ENOX1: variants seen among roughly 807,000 people sequenced by gnomAD.
ENOX1 encodes ecto-NOX disulfide-thiol exchanger 1.
ENOX1 carries 42 observed loss-of-function variants against 82.5 expected under a neutral mutation model. That is an observed-to-expected ratio of 0.51 (90% confidence interval 0.40 to 0.66). ENOX1 has a LOEUF of 0.66. Ranked by LOEUF, ENOX1 falls within the 30% of genes least tolerant of loss-of-function variation. ENOX1 has a pLI of 0.00. For missense variants in ENOX1, 608 were observed against 811.6 expected, an observed-to-expected ratio of 0.75 and a Z score of 3.05; for synonymous variants, 271 against 282.2, an observed-to-expected ratio of 0.96 and a Z score of 0.40.
At chr13:43,679,279 T>C (rs1387055157) in intron 1 of ENOX1, among the ~76,000 whole-genome samples, 1 of 152,178 alleles carries the variant, frequency 6.6e-6, no homozygotes, top group Non-Finnish European at 1.5e-5. Flanking sequence ...ATTTCTTCCA[T>C]TTCTTCCTGT....
chr13:43,287,358 G>A (rs1439706513), intron 12 of ENOX1, among the ~76,000 whole-genome samples: 33 of 152,122 alleles, frequency 2.2e-4, no homozygotes, highest in Non-Finnish European at 1.0e-4. Context: ...ATTTTCACCT[G>A]GAATATGGCA....
At chr13:43,383,133 G>C (rs548277764) in intron 5 of ENOX1, among the ~76,000 whole-genome samples, 22 of 152,204 alleles carry the variant, frequency 1.4e-4, no homozygotes, top group Non-Finnish European at 3.2e-4. Flanking sequence ...GACCTCAAAG[G>C]GTTTTGAAGA....
intron 14 of ENOX1, among the ~76,000 whole-genome samples, chr13:43,239,979 G>A (rs2042736477): frequency 6.6e-6 from 1 of 152,076 alleles, no homozygotes; most frequent in Non-Finnish European, 1.5e-5. Flanking sequence ...CCAAGTATGG[G>A]GTAGTCTACA....
chr13:43,213,890 G>A lies in ENOX1; in HGVS notation c.*100C>T, dbSNP rs143967700. On this transcript the variant is annotated 3_prime_UTR_variant, in exon 17 of 17. Transcript: ENST00000690772. ...AGGCAGGCTTCGATGGCTCCACAAAGGTTGCGTGCTGGACCAACCCCACAC... is the reference window on the plus strand; with the variant it reads ...AGGCAGGCTTCGATGGCTCCACAAAAGTTGCGTGCTGGACCAACCCCACAC... The A allele has an allele frequency of 2.2e-6, 3 of 1,363,942 alleles. No individual in the cohort carries two copies. The highest frequency in any genetic ancestry group is 2.4e-5 in the East Asian group (1 of 40,822). 84.5% of individuals were successfully genotyped at this position (1,363,942 alleles called of 1,614,324 possible). A position where few individuals can be genotyped will look rare whatever the true frequency, so the allele number is the denominator to read the frequency against.
At chr13:43,593,480 AAAACAAAACAAAG>A (rs1248159221) in intron 2 of ENOX1, among the ~76,000 whole-genome samples, 1 of 7,846 alleles carries the variant, frequency 1.3e-4, no homozygotes, top group African/African-American at 1.4e-4. Flanking sequence ...AAAACAAAAC[AAAACAAAACAAAG>A]AAGCCCTTCG....
chr13:43,253,841 T>C (rs1045725957), intron 14 of ENOX1, among the ~76,000 whole-genome samples: 3 of 152,168 alleles, frequency 2.0e-5, no homozygotes, highest in African/African-American at 4.8e-5. Context: ...ACTCTTTCCA[T>C]AGATGCTACT....
At chr13:43,471,651 A>G (rs1385055803) in intron 3 of ENOX1, among the ~76,000 whole-genome samples, 1 of 152,032 alleles carries the variant, frequency 6.6e-6, no homozygotes, top group African/African-American at 2.4e-5. Flanking sequence ...TCTATTAAAA[A>G]TACAAAAAAT....
At chr13:43,498,563 A>G (rs2076871451) in intron 2 of ENOX1, among the ~76,000 whole-genome samples, 1 of 152,120 alleles carries the variant, frequency 6.6e-6, no homozygotes, top group African/African-American at 2.4e-5. Flanking sequence ...AATATTGTCA[A>G]TAGTCAACTG....
At chr13:43,338,680 T>A (rs1054395203) in intron 9 of ENOX1, among the ~76,000 whole-genome samples, 1 of 126,528 alleles carries the variant, frequency 7.9e-6, no homozygotes, top group African/African-American at 3.2e-5. Context: ...GGTTGGGTTT[T>A]TTTTTTTTTT....
At chr13:43,492,460 T>G (rs2076653020) in intron 2 of ENOX1, among the ~76,000 whole-genome samples, 1 of 152,176 alleles carries the variant, frequency 6.6e-6, no homozygotes, top group South Asian at 2.1e-4. Context: ...AAAATAGCCT[T>G]AATCTTGCTT....
intron 2 of ENOX1, among the ~76,000 whole-genome samples, chr13:43,539,911 T>C (rs543401731): frequency 1.6e-4 from 25 of 152,298 alleles, no homozygotes; most frequent in African/African-American, 5.8e-4. Flanking sequence ...ATCCTCTTTG[T>C]ATCTAGTAAT....
intron 3 of ENOX1, among the ~76,000 whole-genome samples, chr13:43,479,694 T>C (rs983009838): frequency 6.6e-6 from 1 of 152,154 alleles, no homozygotes; most frequent in African/African-American, 2.4e-5. Context: ...TGCAATAGAA[T>C]GGAAAGAGAA....
intron 1 of ENOX1, among the ~76,000 whole-genome samples, chr13:43,714,983 T>A (rs2088010447): frequency 6.6e-6 from 1 of 152,236 alleles, no homozygotes; most frequent in Admixed American, 6.5e-5. Context: ...TGCTCGTTAG[T>A]TGATGCAGTT....
chr13:43,286,095 A>G (rs907292119), intron 12 of ENOX1, among the ~76,000 whole-genome samples: 2 of 152,164 alleles, frequency 1.3e-5, no homozygotes, highest in South Asian at 2.1e-4. Context: ...TAGACAGCCA[A>G]CCATGTTGCT....
At chr13:43,219,720 C>G (rs1318855262) in intron 16 of ENOX1, among the ~76,000 whole-genome samples, 2 of 152,158 alleles carry the variant, frequency 1.3e-5, no homozygotes, top group African/African-American at 2.4e-5. Flanking sequence ...CTAGGCCAAG[C>G]CTACTGCCTC....
chr13:43,316,339 G>A (rs1020570964), intron 11 of ENOX1, among the ~76,000 whole-genome samples: 22 of 152,318 alleles, frequency 1.4e-4, no homozygotes, highest in African/African-American at 5.1e-4. Flanking sequence ...CCTTGGTCCT[G>A]TAGACACCAA....
chr13:43,655,074 G>A (rs559541920), intron 2 of ENOX1, among the ~76,000 whole-genome samples: 16 of 152,196 alleles, frequency 1.1e-4, no homozygotes, highest in African/African-American at 3.6e-4. Context: ...AGACCCCACT[G>A]CTGTGTTCAC....
rs138448030 is a variant in ENOX1 at position 43,594,622 on chromosome 13, CACA to C, written c.-219+72854_-219+72856del. On this transcript the variant is annotated intron_variant, in intron 2 of 16. Coordinates refer to ENST00000690772, the MANE Select transcript of ENOX1 (RefSeq NM_001347969.2). Reference sequence around the variant, plus strand: ...TCCCTTTATTATCTCACTGAATTTTCACAACAACCCTGGGAAAGAGGTATTATT... The same window carrying C: ...TCCCTTTATTATCTCACTGAATTTTCACAACCCTGGGAAAGAGGTATTATT... 6.4e-3 allele frequency among the ~76,000 whole-genome samples: 979 copies of C among 152,210 alleles called. 8 individuals carry two copies. Among genetic ancestry groups the C allele is most frequent in the African/African-American group, 0.023 (948 of 41,526 alleles).
chr13:43,300,691 C>T (rs1287271304), intron 11 of ENOX1, among the ~76,000 whole-genome samples: 1 of 152,062 alleles, frequency 6.6e-6, no homozygotes, highest in Admixed American at 6.5e-5. Context: ...ATGGAGTGGC[C>T]AATTGAGAAC....
Sources: allele counts gnomAD v4.1 joint callset (sites outside exome capture counted in the v4.1 genomes callset), GRCh38; gene constraint gnomAD v4.1.1; transcripts MANE v1.5; gene names NCBI Gene and HGNC (gene_info 2026-07-23, HGNC 2026-07-21).